Variants in FBLN7 observed in about 807,000 individuals in gnomAD.
The protein encoded by FBLN7 is fibulin 7.
Under a neutral mutation model 44.0 loss-of-function variants are expected in FBLN7, and 31 were observed. That is an observed-to-expected ratio of 0.70 (90% CI 0.53 to 0.95). FBLN7 has a LOEUF of 0.95. Ranked by LOEUF, FBLN7 falls within the 40% of genes least tolerant of loss-of-function variation. FBLN7 has a pLI of 0.00. For missense variants in FBLN7, 573 were observed against 618.5 expected, an observed-to-expected ratio of 0.93 and a Z score of 0.78; for synonymous variants, 262 against 253.4, an observed-to-expected ratio of 1.03 and a Z score of -0.32.
the FBLN7 span, among the ~76,000 whole-genome samples, chr2:112,209,618 G>C: frequency 6.6e-6 from 1 of 152,176 alleles, no homozygotes; most frequent in Non-Finnish European, 1.5e-5. Flanking sequence ...CAACATGAGA[G>C]GGTAACCAAG....
At chr2:112,222,131 G>GAGGA in the FBLN7 span, among the ~76,000 whole-genome samples, 7 of 152,098 alleles carry the variant, frequency 4.6e-5, no homozygotes, top group Admixed American at 4.6e-4. Flanking sequence ...CTGGGTCTTG[G>GAGGA]AGGAGCCCTC....
At chr2:112,224,442 G>C in the FBLN7 span, among the ~76,000 whole-genome samples, 3 of 152,122 alleles carry the variant, frequency 2.0e-5, no homozygotes, top group Non-Finnish European at 4.4e-5. Flanking sequence ...AAAATTGCAG[G>C]ACACATTGTA....
chr2:112,160,710 A>G (rs1485837337), intron 2 of FBLN7, among the ~76,000 whole-genome samples: 7 of 148,180 alleles, frequency 4.7e-5, no homozygotes, highest in East Asian at 2.0e-4. Flanking sequence ...GCACGCACAC[A>G]CACAAGCACG....
At chr2:112,155,593 G>T (rs551903932) in intron 1 of FBLN7, among the ~76,000 whole-genome samples, 47 of 152,268 alleles carry the variant, frequency 3.1e-4, no homozygotes, top group African/African-American at 1.0e-3. Context: ...CTCCCTCCCC[G>T]CCTGGGACGG....
the FBLN7 span, among the ~76,000 whole-genome samples, chr2:112,202,741 G>A: frequency 1.3e-5 from 2 of 152,126 alleles, no homozygotes; most frequent in Non-Finnish European, 2.9e-5. Context: ...CAGCTCCACA[G>A]TATGAGCCTT....
chr2:112,195,203 G>A, the FBLN7 span, among the ~76,000 whole-genome samples: 1 of 152,200 alleles, frequency 6.6e-6, no homozygotes, highest in Non-Finnish European at 1.5e-5. Context: ...GGGCTGATGG[G>A]ATTTTCTGAA....
Position 112,165,013 on chromosome 2 carries a change from C to G in FBLN7, c.248C>G (p.Ala83Gly). 2 of 1,614,072 alleles carry G rather than the reference C, an allele frequency of 1.2e-6. No individual in the cohort carries two copies. The highest frequency in any genetic ancestry group is 1.7e-6 in the Non-Finnish European group (2 of 1,179,962). ...GPDALPVSCP[A>G]LNTPADGRKF... ...TCTCTCCTTACAGTTTCCTGCCCGG[C>G]TCTGAACACCCCCGCAGACGGCAGA... Residue 83 changes from alanine to glycine, a missense_variant, in exon 3 of 8, where the codon GCT becomes GGT. Coordinates refer to ENST00000331203, the MANE Select transcript of FBLN7 (RefSeq NM_153214.3).
At chr2:112,200,956 G>C in the FBLN7 span, among the ~76,000 whole-genome samples, 27 of 152,308 alleles carry the variant, frequency 1.8e-4, no homozygotes, top group African/African-American at 6.0e-4. Context: ...GATGAATATT[G>C]AGCAAGTGCC....
chr2:112,155,056 G>A (rs2104553487), intron 1 of FBLN7, among the ~76,000 whole-genome samples: 1 of 152,352 alleles, frequency 6.6e-6, no homozygotes, highest in African/African-American at 2.4e-5. Context: ...GTCTCTGGTT[G>A]TGGGACTTGT....
At chr2:112,147,671 T>C (rs1188135144) in intron 1 of FBLN7, among the ~76,000 whole-genome samples, 2 of 152,184 alleles carry the variant, frequency 1.3e-5, no homozygotes, top group Admixed American at 6.5e-5. Context: ...GGAGAGAGTC[T>C]CTCTGCTATC....
At chr2:112,192,213 CTTTTTGTA>C (rs1683514552), downstream of FBLN7, among the ~76,000 whole-genome samples, 1 of 152,134 alleles carries the variant, frequency 6.6e-6, no homozygotes, top group Non-Finnish European at 1.5e-5. Flanking sequence ...ATGCATATGT[CTTTTTGTA>C]TTTTTGCCTT....
chr2:112,232,130 C>T, the FBLN7 span, among the ~76,000 whole-genome samples: 2 of 152,068 alleles, frequency 1.3e-5, no homozygotes, highest in Admixed American at 6.6e-5. Context: ...GCCAACATGG[C>T]GAAACCTCGC....
chr2:112,172,483 G>A (rs1249851290), intron 3 of FBLN7, among the ~76,000 whole-genome samples: 2 of 151,810 alleles, frequency 1.3e-5, no homozygotes, highest in Admixed American at 1.3e-4. Flanking sequence ...ATGCTATTGT[G>A]CTACTATATT....
chr2:112,160,242 G>A (rs535305482), intron 2 of FBLN7, among the ~76,000 whole-genome samples: 18 of 152,196 alleles, frequency 1.2e-4, no homozygotes, highest in Non-Finnish European at 2.2e-4. Flanking sequence ...CGCCCGCCTC[G>A]GCCTCCCAAA....
intron 3 of FBLN7, among the ~76,000 whole-genome samples, chr2:112,168,049 G>A (rs1427720236): frequency 5.9e-5 from 9 of 152,172 alleles, no homozygotes; most frequent in Admixed American, 5.9e-4. Flanking sequence ...GGAGGACCAT[G>A]GTGCAGAGCA....
the FBLN7 span, among the ~76,000 whole-genome samples, chr2:112,218,355 T>C: frequency 6.6e-6 from 1 of 152,196 alleles, no homozygotes; most frequent in Admixed American, 6.5e-5. Flanking sequence ...TAGACTCTTC[T>C]AGTGGAAATG....
the FBLN7 span, among the ~76,000 whole-genome samples, chr2:112,244,648 T>G: frequency 3.3e-5 from 5 of 152,244 alleles, no homozygotes; most frequent in African/African-American, 1.2e-4. Flanking sequence ...ATGTGTTCAC[T>G]CTGTGTCTCT....
At chr2:112,193,539 G>C in the FBLN7 span, among the ~76,000 whole-genome samples, 1 of 152,202 alleles carries the variant, frequency 6.6e-6, no homozygotes, top group African/African-American at 2.4e-5. Flanking sequence ...CTGATACAAA[G>C]TGAATGCTGT....
chr2:112,233,426 A>G, the FBLN7 span: 8 of 1,169,228 alleles, frequency 6.8e-6, no homozygotes, highest in Non-Finnish European at 9.8e-6. Flanking sequence ...TCAAGTCATT[A>G]TGATTTAATT....
Sources: gnomAD v4.1 joint callset for allele counts (sites outside exome capture counted in the v4.1 genomes callset) on GRCh38, gnomAD v4.1.1 for gene constraint, MANE v1.5 for transcripts, NCBI Gene and HGNC (gene_info 2026-07-23, HGNC 2026-07-21) for gene names.